OPHN1: variants seen among roughly 807,000 people sequenced by gnomAD.
OPHN1 encodes the protein oligophrenin-1.
Under a neutral mutation model 60.7 loss-of-function variants are expected in OPHN1, and 11 were observed. The ratio of observed to expected loss-of-function variants is 0.18; its 90% confidence interval spans 0.11 to 0.30. The LOEUF (loss-of-function observed/expected upper bound fraction) is 0.30, where lower values mean the gene tolerates loss of function less well. Ranked by LOEUF, OPHN1 falls within the 10% of genes least tolerant of loss-of-function variation. The pLI is 1.00. For missense variants in OPHN1, 449 were observed against 611.0 expected (o/e 0.73, Z 2.80); for synonymous variants, 226 against 222.6 (o/e 1.02, Z -0.14).
chrX:68,220,029 G>A lies in OPHN1; in HGVS notation c.487-6057C>T, dbSNP rs1362990213. ...AAAGGATCAACAAAATTGATAGACC[G>A]CTAGCAAGACTAATAAAGAAAAAAA... On this transcript the variant is annotated intron_variant, in intron 6 of 24. Coordinates refer to ENST00000355520, the MANE Select transcript of OPHN1 (RefSeq NM_002547.3). Among the ~76,000 whole-genome samples the A allele has an allele frequency of 6.4e-5, 6 of 93,766 alleles. No homozygotes were observed. The East Asian group carries it at 1.4e-3, about 22-fold the overall frequency. 81.4% of individuals were successfully genotyped at this position (93,766 alleles called of 115,157 possible). A position where few individuals can be genotyped will look rare whatever the true frequency, so the allele number is the denominator to read the frequency against.
chrX:68,287,407 G>A (rs1440713003), intron 3 of OPHN1, among the ~76,000 whole-genome samples: 4 of 106,630 alleles, frequency 3.8e-5, no homozygotes, highest in Non-Finnish European at 7.7e-5. Flanking sequence ...GGCCAAGGCA[G>A]GAGGATTGCT....
intron 2 of OPHN1, among the ~76,000 whole-genome samples, chrX:68,405,447 T>C (rs746074977): frequency 2.3e-4 from 26 of 112,026 alleles, no homozygotes; most frequent in Non-Finnish European, 4.1e-4. Flanking sequence ...TGCCTTGGCC[T>C]CCTAATGTGT....
At chrX:68,174,944 C>T (rs2077407837) in intron 15 of OPHN1, among the ~76,000 whole-genome samples, 1 of 109,770 alleles carries the variant, frequency 9.1e-6, no homozygotes, top group Non-Finnish European at 1.9e-5. Context: ...ATTAGCTGGG[C>T]GTGGTGATGG....
chrX:68,152,192 C>T (rs2077287943), intron 15 of OPHN1, among the ~76,000 whole-genome samples: 1 of 111,236 alleles, frequency 9.0e-6, no homozygotes, highest in African/African-American at 3.3e-5. Context: ...TGGCAACAAA[C>T]ATCCAAACCA....
rs7055422 is a variant in OPHN1 at position 68,386,439 on chromosome X, T to C, written c.154+46428A>G. On this transcript the variant is annotated intron_variant, in intron 2 of 24. Coordinates refer to ENST00000355520, the MANE Select transcript of OPHN1 (RefSeq NM_002547.3). ...ACTACAATGAATAAACCTTTTCTTT[T>C]AAAGATTTATTTTTTTAAAAAGCAG... 2.5e-3 allele frequency among the ~76,000 whole-genome samples: 285 copies of C among 112,147 alleles called. 1 individual carries two copies. The highest frequency in any genetic ancestry group is 9.0e-3 in the African/African-American group (277 of 30,884).
chrX:68,233,498 T>TC (rs901535312), intron 6 of OPHN1, among the ~76,000 whole-genome samples: 1 of 111,522 alleles, frequency 9.0e-6, no homozygotes, highest in Non-Finnish European at 1.9e-5. Flanking sequence ...TTCTTTTCCT[T>TC]CCCTAGTGCC....
intron 19 of OPHN1, among the ~76,000 whole-genome samples, chrX:68,090,252 G>A (rs1295543694): frequency 2.7e-5 from 3 of 109,665 alleles, no homozygotes; most frequent in African/African-American, 1.0e-4. Context: ...CTGTGTGTGT[G>A]TGTGTGTGTG....
At chrX:68,090,180 G>C (rs977480043) in intron 19 of OPHN1, among the ~76,000 whole-genome samples, 4 of 109,231 alleles carry the variant, frequency 3.7e-5, no homozygotes, top group African/African-American at 1.3e-4. Context: ...GTAGAGTCTT[G>C]GCTTAATTAG....
intron 12 of OPHN1, 59 bp from the exon 13 acceptor site, chrX:68,194,557 G>A (rs2077502558): frequency 9.4e-6 from 9 of 961,719 alleles, no homozygotes. Flanking sequence ...TAGGAAAACA[G>A]AGAACATAAT....
chrX:68,381,509 T>C (rs898860932), intron 2 of OPHN1, among the ~76,000 whole-genome samples: 1 of 111,623 alleles, frequency 9.0e-6, no homozygotes, highest in Admixed American at 9.5e-5. Context: ...CACAAAGGTC[T>C]CCCAACCATC....
At chrX:68,076,819 T>A (rs1247854214) in intron 19 of OPHN1, among the ~76,000 whole-genome samples, 1 of 111,865 alleles carries the variant, frequency 8.9e-6, no homozygotes, top group African/African-American at 3.2e-5. Flanking sequence ...TACTCAGTAC[T>A]AAAAAGGAAT....
At chrX:68,178,842 C>G (rs908120121) in intron 15 of OPHN1, among the ~76,000 whole-genome samples, 4 of 112,245 alleles carry the variant, frequency 3.6e-5, no homozygotes, top group African/African-American at 1.3e-4. Flanking sequence ...TCCTGACTCT[C>G]GGCTCAAGGT....
chrX:68,128,704 T>G (rs1357812477), intron 15 of OPHN1, among the ~76,000 whole-genome samples: 6 of 112,266 alleles, frequency 5.3e-5, no homozygotes, highest in Non-Finnish European at 5.6e-5. Context: ...ACAAGCTAAT[T>G]TTCTGGAATG....
intron 4 of OPHN1, among the ~76,000 whole-genome samples, chrX:68,280,209 G>A (rs926502872): frequency 5.1e-4 from 57 of 111,551 alleles, no homozygotes; most frequent in African/African-American, 1.7e-3. Flanking sequence ...ATTTCCACAA[G>A]CAGAATCCTG....
intron 15 of OPHN1, among the ~76,000 whole-genome samples, chrX:68,144,752 A>T (rs745979620): frequency 1.8e-4 from 20 of 112,045 alleles, no homozygotes; most frequent in Non-Finnish European, 3.8e-4. Context: ...AATGGCATTC[A>T]TTTATTTATT....
Position 68,125,930 on chromosome X carries a change from A to ATAT in OPHN1, c.1277-6599_1277-6598insATA, listed in dbSNP as rs2077168269. Among the ~76,000 whole-genome samples, 23 of 22,262 alleles carry ATAT rather than the reference A, an allele frequency of 1.0e-3. 1 individual carries two copies. In the East Asian group the frequency reaches 0.022, roughly 22 times the overall value. The allele number at this position is 22,262 out of a possible 115,157, so 19.3% of individuals were successfully genotyped here. ...AAGCTATTGGCCATAACCACTGATC[A>ATAT]ATATATATATATATATATATATATA... On this transcript the variant is annotated intron_variant, in intron 15 of 24. Transcript: ENST00000355520.
At position 68,430,211 on chromosome X, in the gene OPHN1, C is replaced by G. The variant is rs1002588421; in HGVS notation, c.154+2656G>C. 2.7e-5 allele frequency among the ~76,000 whole-genome samples: 3 copies of G among 111,787 alleles called. No individual in the cohort carries two copies. The Admixed American group carries it at 2.9e-4, about 11-fold the overall frequency. ...CCTACCTACTTTCAGAAAGTCGCTC[C>G]GCTGGCACAGTGTGAGGAAGGAGAG... On this transcript the variant is annotated intron_variant, in intron 2 of 24. Transcript: ENST00000355520.
chrX:68,107,224 T>C (rs1462834923), intron 18 of OPHN1, among the ~76,000 whole-genome samples: 1 of 111,549 alleles, frequency 9.0e-6, no homozygotes, highest in Non-Finnish European at 1.9e-5. Flanking sequence ...TAGCTGCGTT[T>C]TTCAAATTTG....
At chrX:68,214,131 A>G (rs1209922463) in intron 6 of OPHN1, among the ~76,000 whole-genome samples, 159 bp from the exon 7 acceptor site, 1 of 112,539 alleles carries the variant, frequency 8.9e-6, no homozygotes, top group Non-Finnish European at 1.9e-5. Flanking sequence ...GCCAAGAGAT[A>G]AAAAAGTGAC....
Sources: allele counts gnomAD v4.1 joint callset (sites outside exome capture counted in the v4.1 genomes callset), GRCh38; gene constraint gnomAD v4.1.1; transcripts MANE v1.5; gene names NCBI Gene and HGNC (gene_info 2026-07-23, HGNC 2026-07-21).